The following FBXO34 variants were observed in gnomAD, a reference collection of about 807,000 sequenced individuals.
The protein encoded by FBXO34 is F-box only protein 34.
In FBXO34, 12 loss-of-function variants were observed where a neutral mutation model predicts 24.5. That is an observed-to-expected ratio of 0.49 (90% CI 0.31 to 0.79). The LOEUF is 0.79. FBXO34 is among the 30% of genes least tolerant of loss of function. The pLI is 0.04. For missense variants in FBXO34, 823 were observed against 857.7 expected (o/e 0.96, Z 0.51); for synonymous variants, 320 against 311.9 (o/e 1.03, Z -0.27).
chr14:55,397,155 G>A, the FBXO34 span, among the ~76,000 whole-genome samples: 1 of 152,166 alleles, frequency 6.6e-6, no homozygotes, highest in Non-Finnish European at 1.5e-5. Context: ...AGTATCTACT[G>A]TATACCACAC....
chr14:55,307,118 C>T (rs1882577206), intron 1 of FBXO34, among the ~76,000 whole-genome samples: 5 of 152,180 alleles, frequency 3.3e-5, no homozygotes, highest in Admixed American at 3.3e-4. Context: ...CATGAAGGTA[C>T]CCTTAATCAC....
rs770461440 is a variant in FBXO34 at position 55,351,003 on chromosome 14, C to G, written c.613C>G (p.Leu205Val). The part of the protein sequence containing the change: ...SGDGVYAGRP[L>V]SVIQMVAFLE... ...GGATGGAGTCTATGCTGGGAGGCCTCTGTCAGTTATACAGATGGTTGCCTT... is the reference window on the plus strand; with the variant it reads ...GGATGGAGTCTATGCTGGGAGGCCTGTGTCAGTTATACAGATGGTTGCCTT... Residue 205 changes from leucine (L) to valine (V), a missense_variant, in exon 2 of 2, where the codon CTG (leucine) becomes GTG (valine). Around this residue, in one of 2 missense-constraint regions of FBXO34, gnomAD observed 693 missense variants for 659.1 expected, o/e 1.05. Coordinates refer to ENST00000313833, the MANE Select transcript of FBXO34 (RefSeq NM_017943.4). 6.2e-7 allele frequency: 1 copy of G among 1,614,198 alleles called. No homozygotes were observed. The highest frequency in any genetic ancestry group is 8.5e-7 in the Non-Finnish European group (1 of 1,180,034).
chr14:55,290,155 G>A (rs1402808353), intron 1 of FBXO34, among the ~76,000 whole-genome samples: 2 of 152,050 alleles, frequency 1.3e-5, no homozygotes, highest in Non-Finnish European at 2.9e-5. Flanking sequence ...ACTTTGGGAG[G>A]CTGAGGCGGG....
the FBXO34 span, chr14:55,390,817 T>TCC: frequency 2.4e-6 from 2 of 835,638 alleles, no homozygotes; most frequent in Non-Finnish European, 3.8e-6. Flanking sequence ...TGCCCCACCA[T>TCC]CCCCTTCCTT....
At chr14:55,296,680 GC>G (rs1337573340) in intron 1 of FBXO34, among the ~76,000 whole-genome samples, 5 of 152,076 alleles carry the variant, frequency 3.3e-5, no homozygotes, top group Non-Finnish European at 7.4e-5. Context: ...ACAGGCATGA[GC>G]CACTGCGCCT....
At chr14:55,370,100 A>T (rs1884781096), downstream of FBXO34, among the ~76,000 whole-genome samples, 1 of 152,160 alleles carries the variant, frequency 6.6e-6, no homozygotes, top group East Asian at 1.9e-4. Context: ...CCTTTACCCA[A>T]ATAATCTCCA....
chr14:55,319,921 C>T (rs919729206), intron 1 of FBXO34, among the ~76,000 whole-genome samples: 1 of 152,164 alleles, frequency 6.6e-6, no homozygotes, highest in African/African-American at 2.4e-5. Context: ...ATCTACCCAC[C>T]TCAGCCTCCT....
At position 55,321,900 on chromosome 14, in the gene FBXO34, G is replaced by A. The variant is rs755266184; in HGVS notation, c.-10-28481G>A. Among the ~76,000 whole-genome samples the A allele has an allele frequency of 7.2e-5, 11 of 152,106 alleles. No individual in the cohort carries two copies. In the South Asian group the frequency reaches 1.2e-3, roughly 17 times the overall value. On this transcript the variant is annotated intron_variant, in intron 1 of 1. Transcript: ENST00000313833. ...AGTTTTGCCTTTCAGATGCTTTTCC[G>A]TTTAAAATTGTTTTTGAAATTATAC... is the stretch of plus-strand genomic sequence containing the variant.
At chr14:55,442,520 G>A in the FBXO34 span, among the ~76,000 whole-genome samples, 1 of 152,102 alleles carries the variant, frequency 6.6e-6, no homozygotes, top group Admixed American at 6.5e-5. Flanking sequence ...CAGTAAAACT[G>A]GATGGATGAA....
the FBXO34 span, among the ~76,000 whole-genome samples, chr14:55,417,429 G>C: frequency 7.0e-6 from 1 of 142,212 alleles, no homozygotes; most frequent in South Asian, 2.2e-4. Context: ...GTAATACCAG[G>C]CTCCAATGAG....
At chr14:55,433,332 T>A in the FBXO34 span, among the ~76,000 whole-genome samples, 13 of 115,720 alleles carry the variant, frequency 1.1e-4, no homozygotes, top group African/African-American at 2.0e-4. Context: ...TTTTTTTTTT[T>A]AACAGAGATG....
chr14:55,438,922 AAAG>A, the FBXO34 span: 1 of 149,286 alleles, frequency 6.7e-6, no homozygotes, highest in Non-Finnish European at 1.5e-5. Flanking sequence ...AAAAAAAAAA[AAAG>A]TAAGTTGCTC....
At chr14:55,438,257 T>C in the FBXO34 span, among the ~76,000 whole-genome samples, 79 of 152,358 alleles carry the variant, frequency 5.2e-4, no homozygotes, top group Non-Finnish European at 1.0e-3. Flanking sequence ...TGGAGTGTTC[T>C]GTTACTACAA....
chr14:55,433,203 A>G, the FBXO34 span, among the ~76,000 whole-genome samples: 2 of 152,042 alleles, frequency 1.3e-5, no homozygotes, highest in Non-Finnish European at 2.9e-5. Flanking sequence ...ATCATAGCTC[A>G]TTGCAGCCTC....
At chr14:55,273,124 G>A (rs1437923593) in intron 1 of FBXO34, among the ~76,000 whole-genome samples, 1 of 151,860 alleles carries the variant, frequency 6.6e-6, no homozygotes, top group African/African-American at 2.4e-5. Flanking sequence ...CAGGAAGCTT[G>A]GGTAGAAGTC....
the FBXO34 span, among the ~76,000 whole-genome samples, chr14:55,403,401 A>G: frequency 6.6e-6 from 1 of 152,344 alleles, no homozygotes; most frequent in Middle Eastern, 3.4e-3. Flanking sequence ...CTTCTTCTGC[A>G]CACAGAGAAA....
chr14:55,336,845 A>C (rs1883794121), intron 1 of FBXO34, among the ~76,000 whole-genome samples: 1 of 151,508 alleles, frequency 6.6e-6, no homozygotes, highest in Non-Finnish European at 1.5e-5. Context: ...AATGCTATAC[A>C]CATATAGAAT....
the FBXO34 span, among the ~76,000 whole-genome samples, chr14:55,378,416 C>CA: frequency 2.3e-4 from 35 of 152,212 alleles, no homozygotes; most frequent in Non-Finnish European, 4.6e-4. Context: ...TACAGAAAGG[C>CA]AAACTATACA....
intron 1 of FBXO34, among the ~76,000 whole-genome samples, chr14:55,303,090 T>G (rs1171064304): frequency 6.6e-6 from 1 of 152,064 alleles, no homozygotes; most frequent in Non-Finnish European, 1.5e-5. Flanking sequence ...GAAAACAGAA[T>G]AGTGCGTTTT....
Sources: gnomAD v4.1 joint callset for allele counts (sites outside exome capture counted in the v4.1 genomes callset) on GRCh38, gnomAD v4.1.1 for gene constraint, gnomAD v4.1.1 regional missense constraint, MANE v1.5 for transcripts, NCBI Gene and HGNC (gene_info 2026-07-23, HGNC 2026-07-21) for gene names.